Variants in CACNA2D4 observed in about 807,000 individuals in gnomAD.
CACNA2D4 encodes calcium voltage-gated channel auxiliary subunit alpha2delta 4, also known as voltage-dependent calcium channel subunit alpha-2/delta-4.
Under a neutral mutation model 163.8 loss-of-function variants are expected in CACNA2D4, and 157 were observed. That is an observed-to-expected ratio of 0.96 (90% CI 0.84 to 1.09). The LOEUF is 1.09. Ranked by LOEUF, CACNA2D4 falls within the 50% of genes least tolerant of loss-of-function variation. The pLI is 0.00. For synonymous variants in CACNA2D4, 598 were observed against 586.9 expected, an observed-to-expected ratio of 1.02 and a Z score of -0.27; for missense variants, 1,410 against 1,479.9, an observed-to-expected ratio of 0.95 and a Z score of 0.78.
intron 26 of CACNA2D4, among the ~76,000 whole-genome samples, chr12:1,812,904 C>A (rs562671658): frequency 3.2e-4 from 48 of 152,318 alleles, no homozygotes; most frequent in South Asian, 8.3e-4. Flanking sequence ...CTGTGTCCGT[C>A]ACAGTCATTC....
intron 6 of CACNA2D4, among the ~76,000 whole-genome samples, chr12:1,892,863 T>A (rs1434654960): frequency 6.6e-6 from 1 of 152,164 alleles, no homozygotes; most frequent in Non-Finnish European, 1.5e-5. Flanking sequence ...AAACAAACTT[T>A]AAGTCAAAAA....
chr12:1,896,515 A>G (rs1866403245), intron 6 of CACNA2D4, among the ~76,000 whole-genome samples: 1 of 152,148 alleles, frequency 6.6e-6, no homozygotes, highest in Non-Finnish European at 1.5e-5. Flanking sequence ...TAGATATATG[A>G]AAAAATGCTC....
At chr12:1,871,520 A>G (rs1031784685) in intron 18 of CACNA2D4, among the ~76,000 whole-genome samples, 1 of 144,818 alleles carries the variant, frequency 6.9e-6, no homozygotes, top group Non-Finnish European at 1.5e-5. Context: ...GTGTGTGTGT[A>G]CATGTGTGCC....
At position 1,831,440 on chromosome 12, in the gene CACNA2D4, G is replaced by A. The variant is rs765276016; in HGVS notation, c.2551+9299C>T. The stretch of plus-strand genomic sequence containing the variant: ...CATTTGAACCCCTAGCAAACCTGCA[G>A]CTGCTGCAGGTCGGGGATAACCCCT... On this transcript the variant is annotated intron_variant, in intron 26 of 37. Transcript: ENST00000382722. 2.5e-6 allele frequency: 4 copies of A among 1,614,150 alleles called. No individual in the cohort carries two copies. The Admixed American group carries it at 6.7e-5, about 27-fold the overall frequency.
At position 1,856,164 on chromosome 12, in the gene CACNA2D4, A is replaced by AT. The variant is rs766160689; in HGVS notation, c.2054+19dup. 28 of 1,613,720 alleles carry AT rather than the reference A, an allele frequency of 1.7e-5. No homozygotes were observed. The highest frequency in any genetic ancestry group is 1.2e-4 in the South Asian group (11 of 91,086). ...AAAACATTCCACCTGTCTCCCTCCCATTTTTTACTCCTCACTTACCAGTCA... is the reference window on the plus strand; with the variant it reads ...AAAACATTCCACCTGTCTCCCTCCCATTTTTTTACTCCTCACTTACCAGTCA... On this transcript the variant is annotated intron_variant, in intron 21 of 37. Transcript: ENST00000382722.
chr12:1,910,943 T>C (rs1866797844), intron 3 of CACNA2D4, among the ~76,000 whole-genome samples: 1 of 152,172 alleles, frequency 6.6e-6, no homozygotes, highest in Non-Finnish European at 1.5e-5. Context: ...TTGTACAACA[T>C]TGTGGATGTA....
Position 1,798,444 on chromosome 12 carries a change from C to G in CACNA2D4, c.2996-909G>C, listed in dbSNP as rs1048531334. 6.6e-6 allele frequency among the ~76,000 whole-genome samples: 1 copy of G among 152,294 alleles called. No homozygotes were observed. Among genetic ancestry groups the G allele is most frequent in the East Asian group, 1.9e-4 (1 of 5,176 alleles). On this transcript the variant is annotated intron_variant, in intron 34 of 37. Transcript: ENST00000382722. The surrounding 1 kb of genome is among the most constrained non-coding windows in gnomAD (Gnocchi z 4.3). Reference sequence around the variant, plus strand: ...CAAATCCAGAAGCTCCCAGCCAGAGCTGGAAACCCAGAGGGGACACTAGCT... The same window carrying G: ...CAAATCCAGAAGCTCCCAGCCAGAGGTGGAAACCCAGAGGGGACACTAGCT...
intron 26 of CACNA2D4, chr12:1,827,947 G>A (rs1864420433): frequency 7.2e-6 from 3 of 419,086 alleles, no homozygotes; most frequent in Non-Finnish European, 1.2e-5. Context: ...CCCCACCCAG[G>A]GAATCATAAC....
At chr12:1,851,067 G>C (rs1438463820) in intron 23 of CACNA2D4, among the ~76,000 whole-genome samples, 1 of 152,072 alleles carries the variant, frequency 6.6e-6, no homozygotes, top group Non-Finnish European at 1.5e-5. Flanking sequence ...TTTTATTTTA[G>C]AGACGGGGTC....
In CACNA2D4 at chr12:1,802,270, GC is replaced by G. The variant is rs1383800653; in HGVS notation, c.2722-627del. 6.6e-6 allele frequency among the ~76,000 whole-genome samples: 1 copy of G among 151,968 alleles called. No individual in the cohort carries two copies. The highest frequency in any genetic ancestry group is 2.4e-5 in the African/African-American group (1 of 41,330). Reference sequence around the variant, plus strand: ...CCGGATCCCTTGCCCTGTCTCCATTGCCCACCTGCCCTCCTAACTGACCTCT... The same window carrying G: ...CCGGATCCCTTGCCCTGTCTCCATTGCCACCTGCCCTCCTAACTGACCTCT... On this transcript the variant is annotated intron_variant, in intron 29 of 37. Coordinates refer to ENST00000382722, the MANE Select transcript of CACNA2D4 (RefSeq NM_172364.5). The surrounding 1 kb of genome is among the most constrained non-coding windows in gnomAD (Gnocchi z 4.7).
chr12:1,851,909 T>C (rs1865292262), intron 23 of CACNA2D4, among the ~76,000 whole-genome samples: 1 of 152,120 alleles, frequency 6.6e-6, no homozygotes, highest in South Asian at 2.1e-4. Flanking sequence ...TGTTTCATAA[T>C]TTTCCTTATA....
chr12:1,811,667 G>C lies in CACNA2D4; in HGVS notation c.2608C>G (p.Arg870Gly). The C allele has an allele frequency of 6.4e-7, 1 of 1,559,400 alleles. No homozygotes were observed. The highest frequency in any genetic ancestry group is 8.7e-7 in the Non-Finnish European group (1 of 1,151,172). ...TGGCCCGACATCACACCTACCTGCC[G>C]CGTTGCCGCCCAGAATTTGCGCTGG... ...FLQRKFWAAT[R>G]QCSTVDGPCT... Residue 870 changes from arginine (R) to glycine (G), a missense_variant, in exon 27 of 38, where the codon CGG (arginine) becomes GGG (glycine). Coordinates refer to ENST00000382722, the MANE Select transcript of CACNA2D4 (RefSeq NM_172364.5).
intron 26 of CACNA2D4, among the ~76,000 whole-genome samples, chr12:1,816,988 C>G (rs1385538313): frequency 2.0e-5 from 3 of 152,232 alleles, no homozygotes; most frequent in Non-Finnish European, 2.9e-5. Flanking sequence ...GTGCTGTGGT[C>G]CCAGGAGTCA....
chr12:1,800,168 C>T (rs2154445246), intron 32 of CACNA2D4, 116 bp from the exon 33 acceptor site: 1 of 1,114,884 alleles, frequency 9.0e-7, no homozygotes, highest in Non-Finnish European at 1.3e-6. Flanking sequence ...AGGACACCCT[C>T]TTCCCTGCTT....
chr12:1,891,202 C>T (rs189323608), intron 6 of CACNA2D4, among the ~76,000 whole-genome samples: 2 of 152,308 alleles, frequency 1.3e-5, no homozygotes, highest in Admixed American at 6.5e-5. Flanking sequence ...GCTCAGCCCA[C>T]TGCCACAACT....
chr12:1,842,540 G>A (rs573824227), intron 25 of CACNA2D4, among the ~76,000 whole-genome samples: 30 of 152,168 alleles, frequency 2.0e-4, no homozygotes, highest in African/African-American at 3.4e-4. Flanking sequence ...AGTGGGCCCC[G>A]CCTCCCTCCT....
At chr12:1,826,467 G>C (rs1864331331) in intron 26 of CACNA2D4, among the ~76,000 whole-genome samples, 1 of 130,810 alleles carries the variant, frequency 7.6e-6, no homozygotes, top group Non-Finnish European at 1.5e-5. Flanking sequence ...ACAGTGGTTA[G>C]AGAACCATGA....
intron 6 of CACNA2D4, among the ~76,000 whole-genome samples, chr12:1,900,227 T>C (rs929775733): frequency 6.6e-6 from 1 of 152,120 alleles, no homozygotes; most frequent in African/African-American, 2.4e-5. Context: ...ACTCCTGGGG[T>C]CAAGTGATCC....
At chr12:1,817,158 C>G (rs1483940239) in intron 26 of CACNA2D4, among the ~76,000 whole-genome samples, 1 of 152,196 alleles carries the variant, frequency 6.6e-6, no homozygotes, top group Non-Finnish European at 1.5e-5. Flanking sequence ...GACAGGTGCA[C>G]AGCGAATACT....
Sources: gnomAD v4.1 joint callset for allele counts (sites outside exome capture counted in the v4.1 genomes callset) on GRCh38, gnomAD v4.1.1 for gene constraint, Gnocchi (gnomAD v3.1) non-coding constraint, MANE v1.5 for transcripts, NCBI Gene and HGNC (gene_info 2026-07-23, HGNC 2026-07-21) for gene names.